Variants in HSPA4 observed in about 807,000 individuals in gnomAD.
HSPA4 encodes the protein heat shock 70 kDa protein 4.
HSPA4 carries 25 observed loss-of-function variants against 106.2 expected under a neutral mutation model. That is an observed-to-expected ratio of 0.24 (90% CI 0.17 to 0.33). The LOEUF is 0.33. Among genes scored for constraint, HSPA4 ranks in the 10% least tolerant of loss-of-function variants. The probability of loss-of-function intolerance (pLI) is 1.00; values close to 1 mark genes in which losing one functional copy is unlikely to be tolerated. For synonymous variants in HSPA4, 332 were observed against 333.6 expected (o/e 1.00, Z 0.05); for missense variants, 841 against 996.0 (o/e 0.84, Z 2.10).
intron 1 of HSPA4, among the ~76,000 whole-genome samples, chr5:133,064,439 G>A (rs1765283237): frequency 6.6e-6 from 1 of 152,098 alleles, no homozygotes; most frequent in Non-Finnish European, 1.5e-5. Flanking sequence ...CTGGGAGGCG[G>A]AGGTTGCAGT....
chr5:133,052,573 C>G (rs775963292), intron 1 of HSPA4, among the ~76,000 whole-genome samples: 4 of 152,218 alleles, frequency 2.6e-5, no homozygotes, highest in Admixed American at 2.6e-4. Context: ...GCCTTTTCCC[C>G]GGTGGCCCGT....
intron 1 of HSPA4, among the ~76,000 whole-genome samples, chr5:133,059,748 T>C (rs1765214912): frequency 6.6e-6 from 1 of 152,184 alleles, no homozygotes; most frequent in African/African-American, 2.4e-5. Context: ...TGTATACTAA[T>C]CCCATTTCTC....
chr5:133,095,693 G>A lies in HSPA4; in HGVS notation c.1651-405G>A, dbSNP rs150157705. ...TTTAATAGTAATTATATATTGATACGGGATTGTAGGAGATATGTATTTTAT... is the reference window on the plus strand; with the variant it reads ...TTTAATAGTAATTATATATTGATACAGGATTGTAGGAGATATGTATTTTAT... On this transcript the variant is annotated intron_variant, in intron 13 of 18. Transcript: ENST00000304858. Among the ~76,000 whole-genome samples the A allele has an allele frequency of 2.6e-4, 39 of 152,078 alleles. 2 individuals are homozygous for A. In the East Asian group the frequency reaches 6.0e-3, roughly 23 times the overall value.
intron 3 of HSPA4, among the ~76,000 whole-genome samples, 169 bp downstream of exon 3, chr5:133,067,726 T>C (rs1765326872): frequency 6.6e-6 from 1 of 152,150 alleles, no homozygotes; most frequent in Non-Finnish European, 1.5e-5. Flanking sequence ...ATGATCTGGA[T>C]GTTGGTTGGG....
chr5:133,093,016 A>C (rs1311042330), intron 13 of HSPA4, among the ~76,000 whole-genome samples: 3 of 141,954 alleles, frequency 2.1e-5, no homozygotes, highest in African/African-American at 7.9e-5. Flanking sequence ...TTTTTAGTAG[A>C]GTTAGGGTTT....
chr5:133,103,708 G>C (rs1482389733), intron 17 of HSPA4, among the ~76,000 whole-genome samples, 157 bp from the exon 18 acceptor site: 2 of 152,106 alleles, frequency 1.3e-5, no homozygotes, highest in Non-Finnish European at 1.5e-5. Context: ...ATTGTGGTTA[G>C]GTTTCTTTTG....
chr5:133,089,671 T>G lies in HSPA4; in HGVS notation c.1354T>G (p.Leu452Val). The G allele has an allele frequency of 6.2e-7, 1 of 1,609,524 alleles. No individual in the cohort carries two copies. The highest frequency in any genetic ancestry group is 2.2e-5 in the East Asian group (1 of 44,826). Residue 452 changes from leucine to valine, a missense_variant, in exon 11 of 19, where the codon TTG (leucine) becomes GTG (valine). By Grantham distance (32) the Leu-to-Val change is conservative. Coordinates refer to ENST00000304858, the MANE Select transcript of HSPA4 (RefSeq NM_002154.4). ...LEAYYSSPQDLPYPDPAIAQF... is the reference protein window; with the variant it reads ...LEAYYSSPQDVPYPDPAIAQF... ...GGCCTACTACAGCTCTCCTCAGGATTTGCCCTATCCAGATCCTGCTATAGG... is the reference window on the plus strand; with the variant it reads ...GGCCTACTACAGCTCTCCTCAGGATGTGCCCTATCCAGATCCTGCTATAGG...
intron 13 of HSPA4, among the ~76,000 whole-genome samples, chr5:133,094,385 T>A (rs1765685707): frequency 6.6e-6 from 1 of 152,270 alleles, no homozygotes; most frequent in Non-Finnish European, 1.5e-5. Context: ...TTAAAGTGGC[T>A]TAAGTCCGTT....
intron 2 of HSPA4, among the ~76,000 whole-genome samples, chr5:133,066,918 GT>G (rs1266298481): frequency 6.6e-6 from 1 of 151,924 alleles, no homozygotes; most frequent in Non-Finnish European, 1.5e-5. Flanking sequence ...GTTTCACCAT[GT>G]TGGTCAGGCT....
intron 17 of HSPA4, among the ~76,000 whole-genome samples, chr5:133,103,227 T>C (rs1765811327): frequency 6.6e-6 from 1 of 152,014 alleles, no homozygotes. Flanking sequence ...CATGCCTGGC[T>C]AATTTTTGTA....
intron 17 of HSPA4, among the ~76,000 whole-genome samples, chr5:133,102,772 T>C (rs370687413): frequency 2.6e-4 from 39 of 152,166 alleles, no homozygotes; most frequent in African/African-American, 9.4e-4. Context: ...GTTCTCACTT[T>C]GTCACCCAGG....
At chr5:133,078,286 C>G (rs111289758) in intron 7 of HSPA4, among the ~76,000 whole-genome samples, 2 of 150,458 alleles carry the variant, frequency 1.3e-5, no homozygotes, top group Admixed American at 1.3e-4. Flanking sequence ...GAGCTGAGAT[C>G]GCACCACTGC....
chr5:133,065,173 T>C (rs1278059877), intron 2 of HSPA4, 136 bp downstream of exon 2: 2 of 664,004 alleles, frequency 3.0e-6, no homozygotes, highest in African/African-American at 3.6e-5. Flanking sequence ...ACCTCTTCTC[T>C]GTTCCCATGT....
chr5:133,054,263 C>T (rs1056935177), intron 1 of HSPA4, among the ~76,000 whole-genome samples: 6 of 152,152 alleles, frequency 3.9e-5, no homozygotes, highest in Admixed American at 1.3e-4. Context: ...AGTGCAGTGG[C>T]GTAATCTCGG....
At chr5:133,052,444 G>C (rs1765093241) in intron 1 of HSPA4, 87 bp downstream of exon 1, 1 of 925,186 alleles carries the variant, frequency 1.1e-6, no homozygotes. Flanking sequence ...TGGGGAACGC[G>C]GGCCGAGGAG....
At position 133,088,574 on chromosome 5, in the gene HSPA4, A is replaced by G. The variant is rs1337256648; in HGVS notation, c.1137+19A>G. 1 of 1,598,094 alleles carries G rather than the reference A, an allele frequency of 6.3e-7. No homozygotes were observed. The highest frequency in any genetic ancestry group is 8.6e-7 in the Non-Finnish European group (1 of 1,165,884). On this transcript the variant is annotated intron_variant, in intron 9 of 18. Coordinates refer to ENST00000304858, the MANE Select transcript of HSPA4 (RefSeq NM_002154.4). ...ATTGCAGGTGAATATTCTTTCTTTT[A>G]TAGGTAACCATTTATAAATCATTGT...
chr5:133,084,515 G>A (rs1175522569), intron 7 of HSPA4, among the ~76,000 whole-genome samples: 1 of 152,012 alleles, frequency 6.6e-6, no homozygotes, highest in Admixed American at 6.6e-5. Context: ...TTTTCGTCCA[G>A]GTTGGAGTGC....
intron 11 of HSPA4, among the ~76,000 whole-genome samples, chr5:133,090,418 G>A (rs541938516): frequency 4.3e-5 from 5 of 115,136 alleles, no homozygotes; most frequent in Non-Finnish European, 8.2e-5. Flanking sequence ...GCGACAGAGC[G>A]AGACTCTGTC....
At chr5:133,081,656 C>T (rs149857940) in intron 7 of HSPA4, among the ~76,000 whole-genome samples, 2,602 of 152,178 alleles carry the variant, frequency 0.017, 36 homozygotes, top group Middle Eastern at 0.034. Flanking sequence ...CCTTTTGTTT[C>T]CTTCTGTTTA....
Sources: allele counts gnomAD v4.1 joint callset (sites outside exome capture counted in the v4.1 genomes callset), GRCh38; gene constraint gnomAD v4.1.1; transcripts MANE v1.5; gene names NCBI Gene and HGNC (gene_info 2026-07-23, HGNC 2026-07-21).